Variants in EFNA3 observed in about 807,000 individuals in gnomAD.
EFNA3 encodes the protein ephrin A3.
Under a neutral mutation model 25.0 loss-of-function variants are expected in EFNA3, and 15 were observed. That is an observed-to-expected ratio of 0.60 (90% CI 0.40 to 0.92). EFNA3 has a LOEUF of 0.92. EFNA3 is among the 40% of genes least tolerant of loss of function. The pLI is 0.00. For synonymous variants in EFNA3, 153 were observed against 145.6 expected (o/e 1.05, Z -0.37); for missense variants, 298 against 323.8 (o/e 0.92, Z 0.61).
At chr1:155,082,701 G>A (rs539187089) in intron 1 of EFNA3, among the ~76,000 whole-genome samples, 2 of 152,222 alleles carry the variant, frequency 1.3e-5, no homozygotes, top group South Asian at 4.1e-4. Flanking sequence ...GAAGGGGCAG[G>A]GCACAACCCG....
At position 155,080,470 on chromosome 1, in the gene EFNA3, C is replaced by CG. The variant is rs1248641278; in HGVS notation, c.128+1407dup. 6.6e-6 allele frequency among the ~76,000 whole-genome samples: 1 copy of CG among 152,040 alleles called. No individual in the cohort carries two copies. The highest frequency in any genetic ancestry group is 2.4e-5 in the African/African-American group (1 of 41,398). The stretch of plus-strand genomic sequence containing the variant: ...CCCCGGAGCGGGACTCCAAGAACTC[C>CG]GGGGGGCGCTGGGGGCTGACTTTCC... On this transcript the variant is annotated intron_variant, in intron 1 of 4. Transcript: ENST00000368408. The surrounding 1 kb of genome is among the most constrained non-coding windows in gnomAD (Gnocchi z 7.0).
intron 1 of EFNA3, among the ~76,000 whole-genome samples, chr1:155,082,997 C>T (rs1247145109): frequency 2.6e-5 from 4 of 152,236 alleles, no homozygotes; most frequent in African/African-American, 9.6e-5. Context: ...CTCACATGCC[C>T]AGCCTTGGGG....
Position 155,078,902 on chromosome 1 carries a change from G to A in EFNA3, c.-40G>A, listed in dbSNP as rs1252759522. ...TGGGAAGCGGAGAAGCCGGGAGCGC[G>A]GGGCTCAGTCGGGGGGCGGCGGCGG... is the stretch of plus-strand genomic sequence containing the variant. On this transcript the variant is annotated 5_prime_UTR_variant, in exon 1 of 5. Transcript: ENST00000368408. The A allele has an allele frequency of 7.4e-7, 1 of 1,351,104 alleles. No individual in the cohort carries two copies. Among genetic ancestry groups the A allele is most frequent in the Non-Finnish European group, 9.5e-7 (1 of 1,053,608 alleles). 83.7% of individuals were successfully genotyped at this position (1,351,104 alleles called of 1,614,324 possible).
In EFNA3 at chr1:155,080,582, G is replaced by A. The variant is rs552114986; in HGVS notation, c.128+1513G>A. Among the ~76,000 whole-genome samples, 4 of 152,276 alleles carry A rather than the reference G, an allele frequency of 2.6e-5. No individual in the cohort carries two copies. The East Asian group carries it at 5.8e-4, about 22-fold the overall frequency. On this transcript the variant is annotated intron_variant, in intron 1 of 4. Coordinates refer to ENST00000368408, the MANE Select transcript of EFNA3 (RefSeq NM_004952.5). The surrounding 1 kb of genome is among the most constrained non-coding windows in gnomAD (Gnocchi z 7.0). ...TCTGGCGGGGAACGGAGAGCTCGCA[G>A]GTGAGGGGCCCCGGGTTCCCCGCCA...
At position 155,085,802 on chromosome 1, in the gene EFNA3, T is replaced by G. The variant is rs1571664663; in HGVS notation, c.443-75T>G. On this transcript the variant is annotated intron_variant, in intron 2 of 4. Coordinates refer to ENST00000368408, the MANE Select transcript of EFNA3 (RefSeq NM_004952.5). The surrounding 1 kb of genome is among the most constrained non-coding windows in gnomAD (Gnocchi z 4.4). Reference sequence around the variant, plus strand: ...CCCGACGGGGACAGTTTGGAGGGGGTGAGAAATAGAGCCGTCGAGGGAGGG... The same window carrying G: ...CCCGACGGGGACAGTTTGGAGGGGGGGAGAAATAGAGCCGTCGAGGGAGGG... The G allele has an allele frequency of 1.2e-4, 190 of 1,544,172 alleles. No homozygotes were observed. Among genetic ancestry groups the G allele is most frequent in the Non-Finnish European group, 1.6e-4 (179 of 1,132,642 alleles).
At chr1:155,084,967 G>C in intron 1 of EFNA3, 124 bp from the exon 2 acceptor site, 1 of 1,127,858 alleles carries the variant, frequency 8.9e-7, no homozygotes, top group Non-Finnish European at 1.3e-6. Flanking sequence ...GCTGAGCCGC[G>C]AGGAAGCTCG....
rs1470568707 is a variant in EFNA3, at chr1:155,078,854, C to A, written c.-88C>A. 3 of 1,295,194 alleles carry A rather than the reference C, an allele frequency of 2.3e-6. No homozygotes were observed. The highest frequency in any genetic ancestry group is 1.6e-5 in the African/African-American group (1 of 63,770). 80.2% of individuals were successfully genotyped at this position (1,295,194 alleles called of 1,614,324 possible). A position where few individuals can be genotyped will look rare whatever the true frequency, so the allele number is the denominator to read the frequency against. ...GGGGGCGTGGCCTAAGGCTGGGGGC[C>A]GACGGCGGCGGCAGCAGGGAGCTGG... On this transcript the variant is annotated 5_prime_UTR_variant, in exon 1 of 5. Coordinates refer to ENST00000368408, the MANE Select transcript of EFNA3 (RefSeq NM_004952.5).
At position 155,085,505 on chromosome 1, in the gene EFNA3, C is replaced by T; in HGVS notation, c.442+101C>T. On this transcript the variant is annotated intron_variant, in intron 2 of 4. Transcript: ENST00000368408. The surrounding 1 kb of genome is among the most constrained non-coding windows in gnomAD (Gnocchi z 4.4). ...TCCGGGGCGGGGCCGGCGCGGCGGG[C>T]GCCAGGTCTCGCGGCTGAGACCAGG... 7.3e-7 allele frequency: 1 copy of T among 1,375,042 alleles called. No homozygotes were observed. 85.2% of individuals were successfully genotyped at this position (1,375,042 alleles called of 1,614,324 possible).
chr1:155,084,625 G>A (rs932850697), intron 1 of EFNA3, among the ~76,000 whole-genome samples: 2 of 152,222 alleles, frequency 1.3e-5, no homozygotes, highest in Non-Finnish European at 2.9e-5. Context: ...GGGTGTGTGC[G>A]TCCCTCGGAG....
chr1:155,085,009 G>C lies in EFNA3; in HGVS notation c.129-82G>C. 6.7e-7 allele frequency: 1 copy of C among 1,498,080 alleles called. No individual in the cohort carries two copies. Among genetic ancestry groups the C allele is most frequent in the Non-Finnish European group, 9.2e-7 (1 of 1,090,584 alleles). The allele number at this position is 1,498,080 out of a possible 1,614,324, so 92.8% of individuals were successfully genotyped here. A position where few individuals can be genotyped will look rare whatever the true frequency, so the allele number is the denominator to read the frequency against. ...AAGTCGGAAGGCTACGCGGACCCTG[G>C]GGAGGGGCTGCGGAGCGGTCAGATG... On this transcript the variant is annotated intron_variant, in intron 1 of 4. Coordinates refer to ENST00000368408, the MANE Select transcript of EFNA3 (RefSeq NM_004952.5). The surrounding 1 kb of genome is among the most constrained non-coding windows in gnomAD (Gnocchi z 4.4).
At position 155,086,548 on chromosome 1, in the gene EFNA3, GC is replaced by G; in HGVS notation, c.*10del. On this transcript the variant is annotated 3_prime_UTR_variant, in exon 5 of 5. Coordinates refer to ENST00000368408, the MANE Select transcript of EFNA3 (RefSeq NM_004952.5). Reference sequence around the variant, plus strand: ...ATGACGTTCTTGGCCTCCTAGCTCTGCCCCCTCCCCTGGGGGGGGAGAGATG... The same window carrying G: ...ATGACGTTCTTGGCCTCCTAGCTCTGCCCCTCCCCTGGGGGGGGAGAGATG... 1 of 1,606,390 alleles carries G rather than the reference GC, an allele frequency of 6.2e-7. No homozygotes were observed. Among genetic ancestry groups the G allele is most frequent in the Non-Finnish European group, 8.5e-7 (1 of 1,179,424 alleles).
In EFNA3 at chr1:155,079,969, G is replaced by A. The variant is rs572104233; in HGVS notation, c.128+900G>A. ...GTCAGGGCGGCCGTGTGGTTTCCCG[G>A]GGTGTGTGGCGCGGTGGCCGGGTGC... On this transcript the variant is annotated intron_variant, in intron 1 of 4. Coordinates refer to ENST00000368408, the MANE Select transcript of EFNA3 (RefSeq NM_004952.5). The surrounding 1 kb of genome is among the most constrained non-coding windows in gnomAD (Gnocchi z 7.7). Among the ~76,000 whole-genome samples, 12 of 152,198 alleles carry A rather than the reference G, an allele frequency of 7.9e-5. No individual in the cohort carries two copies. The East Asian group carries it at 2.1e-3, about 27-fold the overall frequency.
chr1:155,080,245 G>T lies in EFNA3; in HGVS notation c.128+1176G>T, dbSNP rs1663315762. On this transcript the variant is annotated intron_variant, in intron 1 of 4. Coordinates refer to ENST00000368408, the MANE Select transcript of EFNA3 (RefSeq NM_004952.5). This position sits in a 1 kb window ranked among gnomAD's most constrained non-coding sequence, Gnocchi z 7.0. ...GCCAGACCCCAGGGGAGGGGACCGG[G>T]AGGGCCGGGCGGCCGCGACCCCCAA... 6.6e-6 allele frequency among the ~76,000 whole-genome samples: 1 copy of T among 152,136 alleles called. No homozygotes were observed.
Position 155,081,529 on chromosome 1 carries a change from C to G in EFNA3, c.128+2460C>G, listed in dbSNP as rs1252444612. On this transcript the variant is annotated intron_variant, in intron 1 of 4. Coordinates refer to ENST00000368408, the MANE Select transcript of EFNA3 (RefSeq NM_004952.5). The surrounding 1 kb of genome is among the most constrained non-coding windows in gnomAD (Gnocchi z 5.2). Reference sequence around the variant, plus strand: ...TCTGAAATGCTTCTGTTGCTGATCTCTCTTTCATTCATGCATTCATTCAAC... The same window carrying G: ...TCTGAAATGCTTCTGTTGCTGATCTGTCTTTCATTCATGCATTCATTCAAC... Among the ~76,000 whole-genome samples, 1 of 152,248 alleles carries G rather than the reference C, an allele frequency of 6.6e-6. No homozygotes were observed. The highest frequency in any genetic ancestry group is 1.5e-5 in the Non-Finnish European group (1 of 68,044).
At position 155,079,451 on chromosome 1, in the gene EFNA3, G is replaced by A. The variant is rs1019646643; in HGVS notation, c.128+382G>A. 1.3e-5 allele frequency among the ~76,000 whole-genome samples: 2 copies of A among 152,146 alleles called. No homozygotes were observed. Among genetic ancestry groups the A allele is most frequent in the Non-Finnish European group, 2.9e-5 (2 of 68,026 alleles). The stretch of plus-strand genomic sequence containing the variant: ...GCATTTTGGGGCCCAGGGATGACCT[G>A]TTTTTGGCCATGAGGGCTTCCAGGG... On this transcript the variant is annotated intron_variant, in intron 1 of 4. Coordinates refer to ENST00000368408, the MANE Select transcript of EFNA3 (RefSeq NM_004952.5). This position sits in a 1 kb window ranked among gnomAD's most constrained non-coding sequence, Gnocchi z 7.7.
Position 155,079,318 on chromosome 1 carries a change from C to T in EFNA3, c.128+249C>T, listed in dbSNP as rs1054098952. The stretch of plus-strand genomic sequence containing the variant: ...AGGCTGCTGGAGGGGCCCCCCACCC[C>T]ATCTTGGCTTCTCTCCGCACCCGCC... On this transcript the variant is annotated intron_variant, in intron 1 of 4. Transcript: ENST00000368408. This position sits in a 1 kb window ranked among gnomAD's most constrained non-coding sequence, Gnocchi z 7.7. Among the ~76,000 whole-genome samples the T allele has an allele frequency of 4.6e-5, 7 of 152,092 alleles. No individual in the cohort carries two copies. The highest frequency in any genetic ancestry group is 1.0e-4 in the Non-Finnish European group (7 of 68,010).
rs762228610 is a variant in EFNA3, at chr1:155,086,563, G to GT, written c.*20_*21insT. On this transcript the variant is annotated 3_prime_UTR_variant, in exon 5 of 5. Coordinates refer to ENST00000368408, the MANE Select transcript of EFNA3 (RefSeq NM_004952.5). ...TCCTAGCTCTGCCCCCTCCCCTGGG[G>GT]GGGGAGAGATGGGGCGGGGCTTGGA... 1.2e-6 allele frequency: 2 copies of GT among 1,612,458 alleles called. No homozygotes were observed. The highest frequency in any genetic ancestry group is 1.7e-6 in the Non-Finnish European group (2 of 1,179,226).
chr1:155,082,907 A>G (rs1571662890), intron 1 of EFNA3, among the ~76,000 whole-genome samples: 1 of 152,102 alleles, frequency 6.6e-6, no homozygotes, highest in Admixed American at 6.5e-5. Context: ...TGTGGCTGGG[A>G]ATTCCTGGCT....
rs1418784271 is a variant in EFNA3 at position 155,080,519 on chromosome 1, C to T, written c.128+1450C>T. On this transcript the variant is annotated intron_variant, in intron 1 of 4. Transcript: ENST00000368408. This position sits in a 1 kb window ranked among gnomAD's most constrained non-coding sequence, Gnocchi z 7.0. ...CCAGCTCTATCTAGCTCAGCCCCCT[C>T]CCCCAGACTCACACGTCCGCCCCCC... Among the ~76,000 whole-genome samples the T allele has an allele frequency of 6.6e-6, 1 of 152,118 alleles. No individual in the cohort carries two copies. The highest frequency in any genetic ancestry group is 6.5e-5 in the Admixed American group (1 of 15,282).
Sources: gnomAD v4.1 joint callset for allele counts (sites outside exome capture counted in the v4.1 genomes callset) on GRCh38, gnomAD v4.1.1 for gene constraint, Gnocchi (gnomAD v3.1) non-coding constraint, MANE v1.5 for transcripts, NCBI Gene and HGNC (gene_info 2026-07-23, HGNC 2026-07-21) for gene names.